The following RALGDS variants were observed in gnomAD, a reference collection of about 807,000 sequenced individuals.
RALGDS encodes the protein ral guanine nucleotide dissociation stimulator.
RALGDS carries 44 observed loss-of-function variants against 99.8 expected under a neutral mutation model. The ratio of observed to expected loss-of-function variants is 0.44; its 90% confidence interval spans 0.35 to 0.57. The LOEUF (loss-of-function observed/expected upper bound fraction) is 0.57. RALGDS is among the 20% of genes least tolerant of loss of function. The pLI is 0.01. For synonymous variants in RALGDS, 529 were observed against 505.0 expected (o/e 1.05, Z -0.64); for missense variants, 1,022 against 1,203.1 (o/e 0.85, Z 2.23).
At chr9:133,129,855 G>A (rs529793771) in intron 1 of RALGDS, among the ~76,000 whole-genome samples, 67 of 138,160 alleles carry the variant, frequency 4.8e-4, no homozygotes, top group African/African-American at 1.7e-3. Flanking sequence ...TCGCTCTGTC[G>A]CCCAGGCTGG....
At chr9:133,142,104 GT>G (rs1464478394) in intron 1 of RALGDS, among the ~76,000 whole-genome samples, 1 of 152,236 alleles carries the variant, frequency 6.6e-6, no homozygotes, top group Non-Finnish European at 1.5e-5. Context: ...AGCGGCCTCT[GT>G]TGCTAGGGGA....
upstream of RALGDS, among the ~76,000 whole-genome samples, chr9:133,122,396 G>T (rs1315693268): frequency 6.6e-6 from 1 of 152,218 alleles, no homozygotes; most frequent in Non-Finnish European, 1.5e-5. Context: ...CCCCAGGTCT[G>T]GTCCGTACTA....
intron 1 of RALGDS, among the ~76,000 whole-genome samples, chr9:133,146,136 C>A (rs1236983619): frequency 1.3e-5 from 2 of 152,270 alleles, no homozygotes; most frequent in African/African-American, 4.8e-5. Flanking sequence ...CATATGGGAG[C>A]ATCTTCCAAT....
intron 1 of RALGDS, among the ~76,000 whole-genome samples, chr9:133,120,518 A>G (rs1831875835): frequency 6.9e-6 from 1 of 145,042 alleles, no homozygotes; most frequent in African/African-American, 2.6e-5. Context: ...GAAGGCCCCT[A>G]TGGTCTCATC....
At chr9:133,104,490 G>A in intron 9 of RALGDS, 159 bp from the exon 10 acceptor site, 2 of 674,816 alleles carry the variant, frequency 3.0e-6, no homozygotes, top group East Asian at 5.5e-5. Flanking sequence ...TCCTGAGCCT[G>A]CCTCCCCCTC....
chr9:133,133,064 C>T (rs1462339987), upstream of RALGDS, among the ~76,000 whole-genome samples: 3 of 152,202 alleles, frequency 2.0e-5, no homozygotes, highest in Non-Finnish European at 2.9e-5. Flanking sequence ...GTACCAGGCC[C>T]TCTGCAGGGC....
intron 1 of RALGDS, among the ~76,000 whole-genome samples, chr9:133,128,312 G>A (rs548749493): frequency 4.6e-5 from 7 of 152,312 alleles, no homozygotes; most frequent in South Asian, 2.1e-4. Context: ...GAGACAGGGC[G>A]CAGAGGGGCT....
chr9:133,123,148 G>T (rs1832007829), upstream of RALGDS, among the ~76,000 whole-genome samples: 1 of 152,082 alleles, frequency 6.6e-6, no homozygotes, highest in African/African-American at 2.4e-5. Flanking sequence ...GTCCCCACAG[G>T]GCCACAAAGA....
rs1416237191 is a variant in RALGDS at position 133,112,537 on chromosome 9, C to T, written c.184-385G>A. The stretch of plus-strand genomic sequence containing the variant: ...AACAACTGGTCCAAGGTCATGCTGC[C>T]TCGGGTAAGTGGTGAGGCAGGGACC... On this transcript the variant is annotated intron_variant, in intron 1 of 17. Coordinates refer to ENST00000372050, the MANE Select transcript of RALGDS (RefSeq NM_006266.4). Among the ~76,000 whole-genome samples, 4 of 152,302 alleles carry T rather than the reference C, an allele frequency of 2.6e-5. No homozygotes were observed. The East Asian group carries it at 7.7e-4, about 29-fold the overall frequency.
intron 9 of RALGDS, among the ~76,000 whole-genome samples, 183 bp downstream of exon 9, chr9:133,105,749 G>A (rs571317866): frequency 6.6e-6 from 1 of 152,122 alleles, no homozygotes; most frequent in South Asian, 2.1e-4. Context: ...GGGCCAAACA[G>A]ATCCCTCTTC....
Position 133,112,025 on chromosome 9 carries a change from A to AC in RALGDS, c.294+16dup, listed in dbSNP as rs1417818985. 8 of 1,546,658 alleles carry AC rather than the reference A, an allele frequency of 5.2e-6. No individual in the cohort carries two copies. Among genetic ancestry groups the AC allele is most frequent in the Non-Finnish European group, 6.1e-6 (7 of 1,140,498 alleles). On this transcript the variant is annotated intron_variant, in intron 2 of 17. Transcript: ENST00000372050. ...TCCCCAGCTGCGTCTCCCAGTGGAGACCCCGAGCGCACTCACCCCGAGCCA... is the reference window on the plus strand; with the variant it reads ...TCCCCAGCTGCGTCTCCCAGTGGAGACCCCCGAGCGCACTCACCCCGAGCCA...
At chr9:133,145,506 T>C (rs1832609170) in intron 1 of RALGDS, among the ~76,000 whole-genome samples, 3 of 151,360 alleles carry the variant, frequency 2.0e-5, no homozygotes, top group Admixed American at 2.0e-4. Flanking sequence ...TATTCAGATG[T>C]TCGTAAAAAT....
At chr9:133,122,259 C>A (rs542130639), upstream of RALGDS, among the ~76,000 whole-genome samples, 9 of 152,308 alleles carry the variant, frequency 5.9e-5, no homozygotes, top group Non-Finnish European at 1.3e-4. Flanking sequence ...ACAGCAGGGC[C>A]AGGAGAATGG....
chr9:133,108,881 G>A lies in RALGDS; in HGVS notation c.585-15C>T. The A allele has an allele frequency of 6.2e-7, 1 of 1,605,848 alleles. No individual in the cohort carries two copies. Among genetic ancestry groups the A allele is most frequent in the Non-Finnish European group, 8.5e-7 (1 of 1,174,980 alleles). ...AGGAGATGGCACTGGGGACAGGTGG[G>A]TGGCAGCAGAGTCAGAGGCCTGGGC... On this transcript the variant is annotated splice_polypyrimidine_tract_variant and intron_variant, in intron 4 of 17. Transcript: ENST00000372050.
intron 1 of RALGDS, among the ~76,000 whole-genome samples, chr9:133,138,055 G>A (rs1366139712): frequency 6.6e-6 from 1 of 152,234 alleles, no homozygotes; most frequent in Non-Finnish European, 1.5e-5. Flanking sequence ...GCCGCCACCA[G>A]CCTGCTGCCT....
chr9:133,112,340 C>G (rs1019215797), intron 1 of RALGDS, among the ~76,000 whole-genome samples, 188 bp from the exon 2 acceptor site: 1 of 152,104 alleles, frequency 6.6e-6, no homozygotes, highest in African/African-American at 2.4e-5. Context: ...ACTTCCCCAA[C>G]CCGGCCAGCC....
Position 133,108,114 on chromosome 9 carries a change from T to G in RALGDS, c.1071A>C (p.Pro357=), listed in dbSNP as rs774002618. The G allele has an allele frequency of 1.9e-6, 3 of 1,611,302 alleles. No individual in the cohort carries two copies. In the South Asian group the frequency reaches 3.3e-5, roughly 18 times the overall value. ...GCCAGGAAGGCTGTAATGATGGAAC[T>G]GGTGCTGGAGCTGGCTCCAGCTCTA... is the stretch of plus-strand genomic sequence containing the variant. ...QTLELEPAPA[P]VPSLQPSWPS... Residue 357 remains proline (P), a synonymous_variant, in exon 6 of 18, where the codon CCA becomes CCC. Transcript: ENST00000372050.
chr9:133,109,760 C>G (rs772998540), intron 3 of RALGDS, 39 bp from the exon 4 acceptor site: 47 of 1,556,758 alleles, frequency 3.0e-5, no homozygotes, highest in Non-Finnish European at 4.1e-5. Context: ...GACTCTCCGA[C>G]TAGAACGGAG....
At chr9:133,103,046 C>T in intron 12 of RALGDS, 146 bp from the exon 13 acceptor site, 6 of 1,417,250 alleles carry the variant, frequency 4.2e-6, no homozygotes, top group Non-Finnish European at 5.8e-6. Flanking sequence ...CAGCCACTCC[C>T]CAGGAGGTGG....
Sources: gnomAD v4.1 joint callset for allele counts (sites outside exome capture counted in the v4.1 genomes callset) on GRCh38, gnomAD v4.1.1 for gene constraint, MANE v1.5 for transcripts, NCBI Gene and HGNC (gene_info 2026-07-23, HGNC 2026-07-21) for gene names.